Variants in USPL1 observed in about 807,000 individuals in gnomAD.
USPL1 encodes ubiquitin specific peptidase like 1, also known as SUMO-specific isopeptidase USPL1.
A neutral mutation model predicts 51.5 loss-of-function variants in USPL1; 27 were observed. The observed-to-expected ratio is 0.52, with a 90% confidence interval of 0.39 to 0.72. USPL1 has a LOEUF of 0.72. USPL1 is among the 30% of genes least tolerant of loss of function. The pLI is 0.00. For missense variants in USPL1, 1,226 were observed against 1,268.0 expected (o/e 0.97, Z 0.50); for synonymous variants, 451 against 459.6 (o/e 0.98, Z 0.24).
In USPL1 at chr13:30,636,784, C is replaced by T. The variant is rs372792214; in HGVS notation, c.869-960C>T. 3.0e-4 allele frequency among the ~76,000 whole-genome samples: 45 copies of T among 152,312 alleles called. 1 individual carries two copies. The highest frequency in any genetic ancestry group is 1.0e-3 in the African/African-American group (43 of 41,568). On this transcript the variant is annotated intron_variant, in intron 4 of 8. Coordinates refer to ENST00000255304, the MANE Select transcript of USPL1 (RefSeq NM_005800.5). The stretch of plus-strand genomic sequence containing the variant: ...ATATAGTGGCATGCGCCTGTAAGCC[C>T]AGCTACTCAGGAGGTTGAGGCTGCA...
chr13:30,626,277 G>A (rs549594569), intron 3 of USPL1, among the ~76,000 whole-genome samples: 1 of 152,110 alleles, frequency 6.6e-6, no homozygotes, highest in African/African-American at 2.4e-5. Context: ...TTGAGCCACT[G>A]CACTCCAGCC....
Position 30,621,793 on chromosome 13 carries a change from TG to T in USPL1, c.130del (p.Glu44SerfsTer12). 3 of 1,556,774 alleles carry T rather than the reference TG, an allele frequency of 1.9e-6. No individual in the cohort carries two copies. Among genetic ancestry groups the T allele is most frequent in the Non-Finnish European group, 2.6e-6 (3 of 1,155,588 alleles). On this transcript the variant is annotated frameshift_variant, in exon 3 of 9. Coordinates refer to ENST00000255304, the MANE Select transcript of USPL1 (RefSeq NM_005800.5). LOFTEE classifies it high-confidence loss of function. ...TTGATTCAGCTAAAGTTCCATCAGATGAGTATTGCCCTGCTTGTAGAGAGAA... is the reference window on the plus strand; with the variant it reads ...TTGATTCAGCTAAAGTTCCATCAGATAGTATTGCCCTGCTTGTAGAGAGAA... Reference protein sequence around the residue: ...NFDSAKVPSDEYCPACREKGK... With the variant: ...NFDSAKVPSDXYCPACREKGK...
chr13:30,629,555 A>T (rs183456480), intron 3 of USPL1, among the ~76,000 whole-genome samples: 1 of 152,316 alleles, frequency 6.6e-6, no homozygotes, highest in African/African-American at 2.4e-5. Context: ...GAATTCTTAC[A>T]CATCACACCA....
At position 30,624,418 on chromosome 13, in the gene USPL1, C is replaced by T. The variant is rs369823177; in HGVS notation, c.228+2526C>T. ...TTGCTTGATCCCAGGAATTGGAGACCAGCCCATGCAACATAGTGTGGCCTT... is the reference window on the plus strand; with the variant it reads ...TTGCTTGATCCCAGGAATTGGAGACTAGCCCATGCAACATAGTGTGGCCTT... On this transcript the variant is annotated intron_variant, in intron 3 of 8. Coordinates refer to ENST00000255304, the MANE Select transcript of USPL1 (RefSeq NM_005800.5). Among the ~76,000 whole-genome samples, 114 of 152,092 alleles carry T rather than the reference C, an allele frequency of 7.5e-4. 7 individuals carry two copies. The South Asian group carries it at 0.022, about 30-fold the overall frequency.
intron 4 of USPL1, among the ~76,000 whole-genome samples, chr13:30,633,492 C>T (rs1950834352): frequency 6.6e-6 from 1 of 151,868 alleles, no homozygotes. Context: ...AAATGTGGGC[C>T]AGGTGCAGTG....
intron 3 of USPL1, among the ~76,000 whole-genome samples, chr13:30,626,649 G>A (rs1310213946): frequency 6.6e-6 from 1 of 152,138 alleles, no homozygotes; most frequent in Non-Finnish European, 1.5e-5. Context: ...GCTGTAAATT[G>A]CAAAGAACCA....
intron 3 of USPL1, among the ~76,000 whole-genome samples, chr13:30,626,317 TAAATA>T (rs1304283681): frequency 2.3e-5 from 1 of 44,114 alleles, no homozygotes. Flanking sequence ...TATCTCAAAA[TAAATA>T]AATAAATAAA....
intron 7 of USPL1, 96 bp downstream of exon 7, chr13:30,647,153 CT>C: frequency 7.5e-7 from 1 of 1,325,882 alleles, no homozygotes. Context: ...AACAACTTAC[CT>C]TTCTGAAATT....
chr13:30,638,952 T>G (rs1248008480), intron 5 of USPL1, among the ~76,000 whole-genome samples: 1 of 151,218 alleles, frequency 6.6e-6, no homozygotes, highest in African/African-American at 2.4e-5. Flanking sequence ...GCTTGGTGGC[T>G]CATGCTTGTA....
chr13:30,644,725 C>G (rs1273283254), intron 6 of USPL1, among the ~76,000 whole-genome samples: 2 of 152,114 alleles, frequency 1.3e-5, no homozygotes, highest in African/African-American at 4.8e-5. Flanking sequence ...GGCTGCTCTG[C>G]AGAAAAATCC....
chr13:30,654,600 A>C (rs1593393613), intron 8 of USPL1, among the ~76,000 whole-genome samples: 2 of 152,338 alleles, frequency 1.3e-5, no homozygotes, highest in Middle Eastern at 6.8e-3. Flanking sequence ...AACCACTGAC[A>C]CAGGCAAACA....
Position 30,660,184 on chromosome 13 carries a change from G to T in USPL1, c.*828G>T, listed in dbSNP as rs1951239949. ...TGGCTGAGCCTGGGGCATTTTACGG[G>T]CCTCGGGGGAGGAAGTGCATACTTA... On this transcript the variant is annotated 3_prime_UTR_variant, in exon 9 of 9. Transcript: ENST00000255304. 6.6e-6 allele frequency: 1 copy of T among 151,928 alleles called. No homozygotes were observed. Among genetic ancestry groups the T allele is most frequent in the Non-Finnish European group, 1.5e-5 (1 of 68,142 alleles). 9.4% of individuals were successfully genotyped at this position (151,928 alleles called of 1,614,324 possible). A position where few individuals can be genotyped will look rare whatever the true frequency, so the allele number is the denominator to read the frequency against.
chr13:30,633,330 T>A (rs1382481879), intron 4 of USPL1, among the ~76,000 whole-genome samples: 9 of 152,176 alleles, frequency 5.9e-5, no homozygotes, highest in Non-Finnish European at 1.3e-4. Context: ...ATATATAAAA[T>A]GTTTAGTTAC....
Position 30,659,301 on chromosome 13 carries a change from C to G in USPL1, c.3224C>G (p.Ala1075Gly). 6.2e-7 allele frequency: 1 copy of G among 1,613,766 alleles called. No homozygotes were observed. Among genetic ancestry groups the G allele is most frequent in the South Asian group, 1.1e-5 (1 of 91,070 alleles). The part of the protein sequence containing the change: ...FFSSSALNAL[A>G]NDTLDLPHFD... ...TCCTCCTCAGCATTAAATGCTTTAG[C>G]AAATGACACATTAGACCTACCTCAT... Residue 1075 changes from alanine to glycine, a missense_variant, in exon 9 of 9, where the codon GCA becomes GGA. By Grantham distance (60) the Ala-to-Gly change is moderately conservative. Coordinates refer to ENST00000255304, the MANE Select transcript of USPL1 (RefSeq NM_005800.5).
At chr13:30,625,635 G>A (rs570072933) in intron 3 of USPL1, among the ~76,000 whole-genome samples, 1 of 151,816 alleles carries the variant, frequency 6.6e-6, no homozygotes, top group African/African-American at 2.4e-5. Context: ...TAGTAGAGAC[G>A]GGGTTTCACT....
chr13:30,631,991 G>A (rs1950812964), intron 4 of USPL1, among the ~76,000 whole-genome samples: 2 of 150,842 alleles, frequency 1.3e-5, no homozygotes, highest in Admixed American at 1.3e-4. Context: ...TATACTTTAA[G>A]TTCTGGGGTA....
At chr13:30,653,334 T>C in intron 8 of USPL1, 29 bp downstream of exon 8, 1 of 1,524,526 alleles carries the variant, frequency 6.6e-7, no homozygotes, top group Non-Finnish European at 8.8e-7. Flanking sequence ...TCTTTTAAGA[T>C]AATTGGCATA....
At chr13:30,631,526 G>T in intron 4 of USPL1, 52 bp downstream of exon 4, 2 of 1,496,280 alleles carry the variant, frequency 1.3e-6, no homozygotes, top group Non-Finnish European at 1.8e-6. Flanking sequence ...CTGGAGTCAG[G>T]GTCTCATTCT....
At chr13:30,644,345 A>G (rs771807985) in intron 6 of USPL1, among the ~76,000 whole-genome samples, 2 of 152,076 alleles carry the variant, frequency 1.3e-5, no homozygotes, top group Non-Finnish European at 2.9e-5. Flanking sequence ...CTTTTTAGGT[A>G]TTTAAGGAGT....
Sources: gnomAD v4.1 joint callset for allele counts (sites outside exome capture counted in the v4.1 genomes callset) on GRCh38, gnomAD v4.1.1 for gene constraint, MANE v1.5 for transcripts, NCBI Gene and HGNC (gene_info 2026-07-23, HGNC 2026-07-21) for gene names.